Variants in DOK5 observed in about 807,000 individuals in gnomAD.
DOK5 encodes the protein downstream of tyrosine kinase 5.
Under a neutral mutation model 43.3 loss-of-function variants are expected in DOK5, and 27 were observed. The observed-to-expected ratio is 0.62, with a 90% CI of 0.46 to 0.86. DOK5 has a LOEUF of 0.86. DOK5 is among the 40% of genes least tolerant of loss of function. The pLI, the probability that DOK5 is intolerant of heterozygous loss-of-function variation, is 0.00. For synonymous variants in DOK5, 146 were observed against 140.1 expected (o/e 1.04, Z -0.30); for missense variants, 373 against 392.9 (o/e 0.95, Z 0.43).
intron 1 of DOK5, among the ~76,000 whole-genome samples, chr20:54,554,544 T>C (rs1984646352): frequency 6.6e-6 from 1 of 152,216 alleles, no homozygotes; most frequent in Non-Finnish European, 1.5e-5. Flanking sequence ...GGATGGGCAA[T>C]GAGATCTTCA....
chr20:54,625,374 T>C (rs1987103595), intron 6 of DOK5, among the ~76,000 whole-genome samples: 3 of 152,184 alleles, frequency 2.0e-5, no homozygotes, highest in Admixed American at 2.0e-4. Flanking sequence ...GGCAGCGTCA[T>C]CTCCTTGCAG....
intron 1 of DOK5, among the ~76,000 whole-genome samples, chr20:54,479,141 T>C (rs1166784858): frequency 6.6e-6 from 1 of 152,248 alleles, no homozygotes; most frequent in Non-Finnish European, 1.5e-5. Context: ...GGGTCACAGA[T>C]AAGTGGTCAC....
intron 2 of DOK5, among the ~76,000 whole-genome samples, chr20:54,562,045 A>G (rs188252716): frequency 1.3e-5 from 2 of 152,318 alleles, no homozygotes; most frequent in East Asian, 3.9e-4. Context: ...TCATCATCCA[A>G]TGCACTCTGG....
intron 2 of DOK5, among the ~76,000 whole-genome samples, chr20:54,556,189 T>G (rs554898715): frequency 6.6e-6 from 1 of 152,272 alleles, no homozygotes; most frequent in South Asian, 2.1e-4. Flanking sequence ...TCCATGCATT[T>G]CATTTCCCTG....
intron 1 of DOK5, among the ~76,000 whole-genome samples, chr20:54,553,624 C>T (rs976665747): frequency 2.0e-5 from 3 of 147,430 alleles, no homozygotes; most frequent in South Asian, 2.4e-4. Context: ...TTGCTGGGCG[C>T]GGTGGCTCAC....
At chr20:54,593,005 G>A (rs1235294672) in intron 5 of DOK5, among the ~76,000 whole-genome samples, 2 of 152,110 alleles carry the variant, frequency 1.3e-5, no homozygotes, top group African/African-American at 4.8e-5. Flanking sequence ...CTTGATATAA[G>A]GAAAGTAAAA....
In DOK5 at chr20:54,650,998, CTT is replaced by C. The variant is rs2048635059; in HGVS notation, c.*520_*521del. 6.5e-6 allele frequency: 1 copy of C among 152,974 alleles called. No homozygotes were observed. The highest frequency in any genetic ancestry group is 1.5e-5 in the Non-Finnish European group (1 of 68,636). The allele number at this position is 152,974 out of a possible 1,614,324, so 9.5% of individuals were successfully genotyped here. On this transcript the variant is annotated 3_prime_UTR_variant, in exon 8 of 8. Coordinates refer to ENST00000262593, the MANE Select transcript of DOK5 (RefSeq NM_018431.5). ...AGTTAAATCAGTGCTTCGACTCACTCTTATCTGTTCTGTTCAAAACTATTTGT... is the reference window on the plus strand; with the variant it reads ...AGTTAAATCAGTGCTTCGACTCACTCATCTGTTCTGTTCAAAACTATTTGT...
intron 1 of DOK5, among the ~76,000 whole-genome samples, chr20:54,492,581 C>G (rs1261794354): frequency 1.3e-5 from 2 of 150,666 alleles, no homozygotes; most frequent in African/African-American, 5.0e-5. Context: ...AAGAGTTACT[C>G]TTACACAGTT....
At chr20:54,564,323 C>T (rs140808832) in intron 2 of DOK5, among the ~76,000 whole-genome samples, 2,129 of 152,106 alleles carry the variant, frequency 0.014, 52 homozygotes, top group African/African-American at 0.048. Flanking sequence ...CCCAGCTACT[C>T]GGGAGGCTGA....
At position 54,612,299 on chromosome 20, in the gene DOK5, A is replaced by G. The variant is rs111368528; in HGVS notation, c.735+1776A>G. Among the ~76,000 whole-genome samples the G allele has an allele frequency of 3.7e-3, 571 of 152,292 alleles. 6 individuals carry two copies. Among genetic ancestry groups the G allele is most frequent in the African/African-American group, 0.013 (552 of 41,564 alleles). On this transcript the variant is annotated intron_variant, in intron 6 of 7. Coordinates refer to ENST00000262593, the MANE Select transcript of DOK5 (RefSeq NM_018431.5). ...CAGTGCTGACGTAAGCATTTGCGAGAAACCAGGCTTGAAGACTTGTGTATG... is the reference window on the plus strand; with the variant it reads ...CAGTGCTGACGTAAGCATTTGCGAGGAACCAGGCTTGAAGACTTGTGTATG...
chr20:54,638,810 G>C (rs1434597476), intron 6 of DOK5, among the ~76,000 whole-genome samples: 3 of 141,604 alleles, frequency 2.1e-5, no homozygotes, highest in Non-Finnish European at 4.5e-5. Flanking sequence ...CTGGAGCGCA[G>C]TGGCATGATC....
chr20:54,591,697 T>G lies in DOK5; in HGVS notation c.491T>G (p.Ile164Ser). ...ECALQITYEY[I>S]CLWDVQNPRV... is the part of the protein sequence containing the mutation. ...GCCTTGCAGATTACATATGAGTATA[T>G]CTGTCTTTGGGACGTCCAGAATCCC... Residue 164 changes from isoleucine (I) to serine (S), a missense_variant, in exon 5 of 8, where the codon ATC (isoleucine) becomes AGC (serine). Physicochemically the swap from Ile to Ser is moderately radical, Grantham distance 142 (BLOSUM62 -2). Transcript: ENST00000262593. The G allele has an allele frequency of 1.9e-6, 3 of 1,614,232 alleles. No individual in the cohort carries two copies. The highest frequency in any genetic ancestry group is 2.5e-6 in the Non-Finnish European group (3 of 1,180,026).
chr20:54,530,567 C>T (rs887615090), intron 1 of DOK5, among the ~76,000 whole-genome samples: 11 of 152,292 alleles, frequency 7.2e-5, no homozygotes, highest in African/African-American at 2.6e-4. Context: ...TTCCCATGAC[C>T]TGTCTTGCCA....
At chr20:54,598,733 A>G (rs1415870389) in intron 5 of DOK5, among the ~76,000 whole-genome samples, 5 of 152,238 alleles carry the variant, frequency 3.3e-5, no homozygotes, top group Non-Finnish European at 7.3e-5. Context: ...GTTTTAAGAG[A>G]AACTTTTAGG....
At chr20:54,546,965 G>A (rs1984369047) in intron 1 of DOK5, among the ~76,000 whole-genome samples, 1 of 152,132 alleles carries the variant, frequency 6.6e-6, no homozygotes, top group Non-Finnish European at 1.5e-5. Context: ...ATGGGGAGAT[G>A]TGGAATGTAT....
chr20:54,561,827 T>C (rs1486303643), intron 2 of DOK5, among the ~76,000 whole-genome samples: 1 of 152,184 alleles, frequency 6.6e-6, no homozygotes, highest in Non-Finnish European at 1.5e-5. Context: ...CGGCTAATTT[T>C]GTATTTTTAG....
chr20:54,527,269 A>T (rs992932101), intron 1 of DOK5, among the ~76,000 whole-genome samples: 1 of 152,074 alleles, frequency 6.6e-6, no homozygotes. Context: ...AGTTTTTTTT[A>T]AATTCAATTT....
At chr20:54,583,296 T>G (rs888809520) in intron 2 of DOK5, among the ~76,000 whole-genome samples, 10 of 152,190 alleles carry the variant, frequency 6.6e-5, no homozygotes, top group Admixed American at 1.3e-4. Flanking sequence ...CTTCAATTTG[T>G]CAAGACTTGT....
intron 1 of DOK5, among the ~76,000 whole-genome samples, chr20:54,491,625 G>A (rs1196710268): frequency 2.6e-5 from 4 of 152,128 alleles, no homozygotes; most frequent in Middle Eastern, 3.2e-3. Flanking sequence ...AGATGGAGAC[G>A]GAAATGCCTG....
Sources: allele counts gnomAD v4.1 joint callset (sites outside exome capture counted in the v4.1 genomes callset), GRCh38; gene constraint gnomAD v4.1.1; transcripts MANE v1.5; gene names NCBI Gene and HGNC (gene_info 2026-07-23, HGNC 2026-07-21).